Variants in PKHD1 observed in about 807,000 individuals in gnomAD.
PKHD1 encodes PKHD1 ciliary IPT domain containing fibrocystin/polyductin, also known as fibrocystin.
A neutral mutation model predicts 412.0 loss-of-function variants in PKHD1; 291 were observed. That is an observed-to-expected ratio of 0.71 (90% CI 0.64 to 0.78). The LOEUF (loss-of-function observed/expected upper bound fraction) is 0.78, where lower values mean the gene tolerates loss of function less well. Among genes scored for constraint, PKHD1 ranks in the 30% least tolerant of loss-of-function variants. The probability of loss-of-function intolerance (pLI) is 0.00; values close to 1 mark genes in which losing one functional copy is unlikely to be tolerated. For missense variants in PKHD1, 4,825 were observed against 4,950.7 expected (o/e 0.97, Z 0.76); for synonymous variants, 1,777 against 1,821.5 (o/e 0.98, Z 0.62).
chr6:51,642,213 T>C (rs541254872), intron 63 of PKHD1, among the ~76,000 whole-genome samples: 5 of 152,162 alleles, frequency 3.3e-5, no homozygotes, highest in African/African-American at 9.6e-5. Flanking sequence ...AAGTAAAATA[T>C]AAAGTCTCAG....
chr6:51,647,811 G>A (rs1770309055), intron 63 of PKHD1, among the ~76,000 whole-genome samples: 1 of 152,174 alleles, frequency 6.6e-6, no homozygotes, highest in Admixed American at 6.6e-5. Flanking sequence ...TATTGTGAAA[G>A]GGAAGGGAGA....
chr6:51,997,234 T>C (rs1277262695), intron 35 of PKHD1, among the ~76,000 whole-genome samples: 1 of 152,186 alleles, frequency 6.6e-6, no homozygotes, highest in East Asian at 1.9e-4. Context: ...TCTGACACTC[T>C]GCAAGGCAGG....
In PKHD1 at chr6:51,701,941, A is replaced by C. The variant is rs1779450767; in HGVS notation, c.10157-41972T>G. Among the ~76,000 whole-genome samples, 4 of 151,516 alleles carry C rather than the reference A, an allele frequency of 2.6e-5. No individual in the cohort carries two copies. The South Asian group carries it at 8.3e-4, about 31-fold the overall frequency. On this transcript the variant is annotated intron_variant, in intron 60 of 66. Coordinates refer to ENST00000371117, the MANE Select transcript of PKHD1 (RefSeq NM_138694.4). ...ACATTTTTATTGATAAAATTCAAAA[A>C]TTATATCATATTAATCATATCTCAA...
rs145979687 is a variant in PKHD1 at position 52,028,350 on chromosome 6, G to T, written c.3366C>A (p.Gly1122=). Residue 1122 remains glycine (G), a splice_region_variant and synonymous_variant, in exon 30 of 67, where the codon GGC becomes GGA. Coordinates refer to ENST00000371117, the MANE Select transcript of PKHD1 (RefSeq NM_138694.4). The stretch of plus-strand genomic sequence containing the variant: ...CCACTCCAATGACCAGGGTCTCACC[G>T]CCTGTGTTGAGAAGAATCCAATAGC... ...TLSRNISNIA[G]GETLVIGVAR... The T allele has an allele frequency of 1.8e-5, 29 of 1,613,000 alleles. No homozygotes were observed. The highest frequency in any genetic ancestry group is 2.4e-5 in the Non-Finnish European group (28 of 1,179,668).
chr6:51,920,961 T>C (rs895936936), intron 37 of PKHD1, among the ~76,000 whole-genome samples: 3 of 152,238 alleles, frequency 2.0e-5, no homozygotes, highest in Non-Finnish European at 2.9e-5. Flanking sequence ...GTGGGATAGG[T>C]GGTGGTATCC....
chr6:51,777,050 T>C (rs1791143427), intron 53 of PKHD1, among the ~76,000 whole-genome samples: 1 of 152,094 alleles, frequency 6.6e-6, no homozygotes, highest in South Asian at 2.1e-4. Context: ...ATCCCAAAAT[T>C]ATATTCCAAA....
chr6:51,918,838 T>C (rs1784243771), intron 37 of PKHD1, among the ~76,000 whole-genome samples: 1 of 152,198 alleles, frequency 6.6e-6, no homozygotes, highest in Admixed American at 6.5e-5. Context: ...TTCCTGACTT[T>C]TTAATGATCA....
intron 49 of PKHD1, among the ~76,000 whole-genome samples, chr6:51,850,650 T>C (rs569005821): frequency 7.2e-5 from 11 of 152,272 alleles, no homozygotes; most frequent in African/African-American, 2.2e-4. Context: ...ATTCTCTTTG[T>C]AGCAATTGTG....
chr6:51,891,383 G>A (rs1350471828), intron 43 of PKHD1, among the ~76,000 whole-genome samples: 1 of 152,028 alleles, frequency 6.6e-6, no homozygotes, highest in Admixed American at 6.6e-5. Context: ...GGATTCAAGC[G>A]ATTCTCCTGC....
intron 37 of PKHD1, among the ~76,000 whole-genome samples, chr6:51,924,827 C>T (rs1410540751): frequency 3.9e-5 from 6 of 151,982 alleles, no homozygotes; most frequent in Admixed American, 3.9e-4. Context: ...AATAATGGGA[C>T]AACTTCACCA....
intron 50 of PKHD1, among the ~76,000 whole-genome samples, chr6:51,840,343 G>A (rs1276570599): frequency 6.6e-6 from 1 of 152,056 alleles, no homozygotes; most frequent in African/African-American, 2.4e-5. Flanking sequence ...TGAAAATCCT[G>A]TGATTACCTT....
chr6:51,741,227 A>G (rs999347314), intron 60 of PKHD1: 28 of 517,780 alleles, frequency 5.4e-5, no homozygotes, highest in African/African-American at 4.6e-4. Flanking sequence ...AAACATGGAG[A>G]ATCTGACTGA....
intron 36 of PKHD1, among the ~76,000 whole-genome samples, chr6:51,945,667 T>C (rs749998431): frequency 1.3e-5 from 2 of 152,220 alleles, no homozygotes; most frequent in African/African-American, 2.4e-5. Flanking sequence ...CTAACATTTA[T>C]TCAGCACCTA....
At chr6:51,693,763 TACTGAGTG>T (rs1369986983) in intron 60 of PKHD1, among the ~76,000 whole-genome samples, 1 of 152,210 alleles carries the variant, frequency 6.6e-6, no homozygotes, top group Non-Finnish European at 1.5e-5. Context: ...AGATGACATG[TACTGAGTG>T]ACTGAGTGCT....
chr6:51,982,816 AAT>A lies in PKHD1; in HGVS notation c.5752-22792_5752-22791del, dbSNP rs1394573977. Among the ~76,000 whole-genome samples, 90 of 137,022 alleles carry A rather than the reference AAT, an allele frequency of 6.6e-4. 2 individuals carry two copies. The East Asian group carries it at 7.6e-3, about 12-fold the overall frequency. The allele number at this position is 137,022 out of a possible 152,430, so 89.9% of individuals were successfully genotyped here. A position where few individuals can be genotyped will look rare whatever the true frequency, so the allele number is the denominator to read the frequency against. On this transcript the variant is annotated intron_variant, in intron 35 of 66. Coordinates refer to ENST00000371117, the MANE Select transcript of PKHD1 (RefSeq NM_138694.4). ...CCCAAGAATGATCAATAAAAAAAAA[AAT>A]AATAATAATAAATAAAAAATAAAAA...
intron 43 of PKHD1, among the ~76,000 whole-genome samples, chr6:51,895,117 T>A (rs1055269144): frequency 6.6e-6 from 1 of 152,218 alleles, no homozygotes; most frequent in African/African-American, 2.4e-5. Flanking sequence ...TTCTAAAATA[T>A]GTTCTTCAAA....
chr6:51,883,600 C>G (rs188439552), intron 45 of PKHD1, among the ~76,000 whole-genome samples: 10 of 152,320 alleles, frequency 6.6e-5, no homozygotes, highest in African/African-American at 2.4e-4. Context: ...TATATTAACT[C>G]ATACTGTCAG....
At position 52,022,925 on chromosome 6, in the gene PKHD1, CA is replaced by C; in HGVS notation, c.5255del (p.Leu1752ArgfsTer51). On this transcript the variant is annotated frameshift_variant, in exon 33 of 67. Coordinates refer to ENST00000371117, the MANE Select transcript of PKHD1 (RefSeq NM_138694.4). LOFTEE classifies it high-confidence loss of function. ...TENFGCLGGR[L>X]VHVFGAGFSP... is the part of the protein sequence containing the mutation. The stretch of plus-strand genomic sequence containing the variant: ...AAAATCCCGCTCCAAACACATGCAC[CA>C]GCCTTCCACCCAGGCAGCCTTTAAA... 1 of 1,614,130 alleles carries C rather than the reference CA, an allele frequency of 6.2e-7. No homozygotes were observed. The highest frequency in any genetic ancestry group is 8.5e-7 in the Non-Finnish European group (1 of 1,180,036).
intron 48 of PKHD1, among the ~76,000 whole-genome samples, chr6:51,858,697 T>C (rs1773692841): frequency 6.6e-6 from 1 of 152,204 alleles, no homozygotes; most frequent in South Asian, 2.1e-4. Context: ...TAGTTAATGA[T>C]TGACCATAAG....
Sources: allele counts gnomAD v4.1 joint callset (sites outside exome capture counted in the v4.1 genomes callset), GRCh38; gene constraint gnomAD v4.1.1; transcripts MANE v1.5; gene names NCBI Gene and HGNC (gene_info 2026-07-23, HGNC 2026-07-21).